Variants in NECTIN3 observed in about 807,000 individuals in gnomAD.
NECTIN3 encodes nectin cell adhesion molecule 3.
In NECTIN3, 8 loss-of-function variants were observed where a neutral mutation model predicts 49.4. The ratio of observed to expected loss-of-function variants is 0.16; its 90% CI spans 0.10 to 0.29. The LOEUF (loss-of-function observed/expected upper bound fraction) is 0.29, where lower values mean the gene tolerates loss of function less well. NECTIN3 is among the 10% of genes least tolerant of loss of function. The pLI is 1.00. For missense variants in NECTIN3, 581 were observed against 654.6 expected, an observed-to-expected ratio of 0.89 and a Z score of 1.23; for synonymous variants, 277 against 241.1, an observed-to-expected ratio of 1.15 and a Z score of -1.38.
chr3:111,145,663 C>A (rs1486232303), intron 6 of NECTIN3, among the ~76,000 whole-genome samples: 1 of 152,098 alleles, frequency 6.6e-6, no homozygotes, highest in African/African-American at 2.4e-5. Context: ...GTTGCTTCAT[C>A]TGAGAAATAT....
At chr3:111,183,378 C>A (rs991521616) in intron 7 of NECTIN3, among the ~76,000 whole-genome samples, 3 of 150,432 alleles carry the variant, frequency 2.0e-5, no homozygotes, top group Admixed American at 2.0e-4. Flanking sequence ...ATGGCTTGGT[C>A]TCAGTTCACT....
intron 1 of NECTIN3, among the ~76,000 whole-genome samples, chr3:111,079,932 T>C (rs530966393): frequency 6.6e-5 from 10 of 152,206 alleles, no homozygotes; most frequent in South Asian, 6.2e-4. Context: ...AACTTCAATA[T>C]TGAAATAACA....
At chr3:111,174,045 G>C (rs1478196744) in intron 7 of NECTIN3, among the ~76,000 whole-genome samples, 1 of 152,002 alleles carries the variant, frequency 6.6e-6, no homozygotes, top group Non-Finnish European at 1.5e-5. Flanking sequence ...GGCTCTGTAG[G>C]CTTGGGACTC....
chr3:111,156,402 A>T (rs562259792), intron 7 of NECTIN3, among the ~76,000 whole-genome samples: 1 of 151,950 alleles, frequency 6.6e-6, no homozygotes, highest in South Asian at 2.1e-4. Flanking sequence ...GCCATTGGTT[A>T]AAAAAAGACC....
intron 7 of NECTIN3, among the ~76,000 whole-genome samples, chr3:111,158,267 G>A (rs569241257): frequency 7.2e-5 from 11 of 152,052 alleles, no homozygotes; most frequent in Non-Finnish European, 1.6e-4. Flanking sequence ...TTATATATAA[G>A]TAACTTTAGA....
rs1200971920 is a variant in NECTIN3 at position 111,137,254 on chromosome 3, C to T, written c.*3039C>T. 5.3e-6 allele frequency: 5 copies of T among 937,208 alleles called. No individual in the cohort carries two copies. The highest frequency in any genetic ancestry group is 6.4e-6 in the Non-Finnish European group (5 of 786,534). The allele number at this position is 937,208 out of a possible 1,614,324, so 58.1% of individuals were successfully genotyped here. A position where few individuals can be genotyped will look rare whatever the true frequency, so the allele number is the denominator to read the frequency against. ...AAATATAAGAAAGGAATAAATGGTA[C>T]CCATTTTGAATTTTTAATTCTAATA... is the stretch of plus-strand genomic sequence containing the variant. On this transcript the variant is annotated 3_prime_UTR_variant, in exon 6 of 6. Coordinates refer to ENST00000485303, the MANE Select transcript of NECTIN3 (RefSeq NM_015480.3).
At chr3:111,146,206 G>A (rs1433396832) in intron 6 of NECTIN3, among the ~76,000 whole-genome samples, 1 of 151,982 alleles carries the variant, frequency 6.6e-6, no homozygotes, top group Non-Finnish European at 1.5e-5. Context: ...AGGCCGAGGC[G>A]GGCGGATCAC....
intron 1 of NECTIN3, chr3:111,072,506 C>T (rs1383660420): frequency 1.9e-5 from 29 of 1,535,836 alleles, no homozygotes; most frequent in Non-Finnish European, 2.4e-5. Flanking sequence ...TCTCTGGGAA[C>T]CCTCGTAGGT....
intron 7 of NECTIN3, among the ~76,000 whole-genome samples, chr3:111,168,977 T>C (rs915102701): frequency 6.6e-6 from 1 of 151,454 alleles, no homozygotes; most frequent in Non-Finnish European, 1.5e-5. Context: ...ACTAGAATAA[T>C]GATTAGGGAA....
intron 1 of NECTIN3, among the ~76,000 whole-genome samples, chr3:111,083,462 G>A (rs1030147718): frequency 2.6e-5 from 4 of 152,138 alleles, no homozygotes; most frequent in African/African-American, 2.4e-5. Flanking sequence ...GAAGACACTA[G>A]AGCTGTTTCT....
rs553878784 is a variant in NECTIN3 at position 111,118,535 on chromosome 3, G to C, written c.503-121G>C. 87 of 876,130 alleles carry C rather than the reference G, an allele frequency of 9.9e-5. No individual in the cohort carries two copies. In the African/African-American group the frequency reaches 1.3e-3, roughly 13 times the overall value. The allele number at this position is 876,130 out of a possible 1,614,324, so 54.3% of individuals were successfully genotyped here. ...TTGACGATGGCATTACCTAAAAAGT[G>C]TGTGTAGATTTTTATATGCAGTTGT... On this transcript the variant is annotated intron_variant, in intron 2 of 5. Transcript: ENST00000485303.
rs1469224453 is a variant in NECTIN3 at position 111,126,165 on chromosome 3, T to C, written c.918-19T>C. The C allele has an allele frequency of 2.0e-6, 3 of 1,512,236 alleles. No homozygotes were observed. Among genetic ancestry groups the C allele is most frequent in the African/African-American group, 1.4e-5 (1 of 70,092 alleles). The allele number at this position is 1,512,236 out of a possible 1,614,324, so 93.7% of individuals were successfully genotyped here. On this transcript the variant is annotated intron_variant, in intron 4 of 5. Coordinates refer to ENST00000485303, the MANE Select transcript of NECTIN3 (RefSeq NM_015480.3). ...AGTCTGAAGATATTTAAAATAATTTTATGCATTTTAAAATCTAGGTTGGAT... is the reference window on the plus strand; with the variant it reads ...AGTCTGAAGATATTTAAAATAATTTCATGCATTTTAAAATCTAGGTTGGAT...
At chr3:111,080,456 G>A (rs190082244) in intron 1 of NECTIN3, among the ~76,000 whole-genome samples, 360 of 152,176 alleles carry the variant, frequency 2.4e-3, no homozygotes, top group African/African-American at 8.2e-3. Flanking sequence ...AAACAAATTT[G>A]AAGTTCCCTA....
chr3:111,116,240 T>C (rs1258724280), intron 2 of NECTIN3, among the ~76,000 whole-genome samples: 1 of 152,120 alleles, frequency 6.6e-6, no homozygotes, highest in East Asian at 1.9e-4. Flanking sequence ...CAGAGTAATA[T>C]CATATCAAGA....
At chr3:111,130,568 A>G (rs2034349777) in intron 5 of NECTIN3, among the ~76,000 whole-genome samples, 1 of 152,150 alleles carries the variant, frequency 6.6e-6, no homozygotes, top group Admixed American at 6.5e-5. Context: ...AATTTGAGAA[A>G]TTATTTTTAA....
intron 1 of NECTIN3, among the ~76,000 whole-genome samples, chr3:111,086,323 A>G (rs2031923831): frequency 6.6e-6 from 1 of 152,138 alleles, no homozygotes; most frequent in African/African-American, 2.4e-5. Context: ...TTTTCTTTAC[A>G]ATTAATTTGT....
At chr3:111,127,465 CTTTTTTT>C (rs35153084) in intron 5 of NECTIN3, among the ~76,000 whole-genome samples, 6 of 101,160 alleles carry the variant, frequency 5.9e-5, no homozygotes, top group Non-Finnish European at 1.3e-4. Context: ...TGCAAACTTT[CTTTTTTT>C]TTTTTTTTTT....
chr3:111,167,959 G>C (rs1285887342), intron 7 of NECTIN3, among the ~76,000 whole-genome samples: 1 of 152,088 alleles, frequency 6.6e-6, no homozygotes, highest in African/African-American at 2.4e-5. Context: ...AAGTGTTTTG[G>C]ATTTCAGATT....
chr3:111,126,707 TAC>T (rs756752245), intron 5 of NECTIN3, among the ~76,000 whole-genome samples: 4 of 152,200 alleles, frequency 2.6e-5, no homozygotes, highest in Admixed American at 6.5e-5. Context: ...GGCCACTTTG[TAC>T]ACAGTTGTCT....
Sources: allele counts gnomAD v4.1 joint callset (sites outside exome capture counted in the v4.1 genomes callset), GRCh38; gene constraint gnomAD v4.1.1; transcripts MANE v1.5; gene names NCBI Gene and HGNC (gene_info 2026-07-23, HGNC 2026-07-21).